KMT2D: variants seen among roughly 807,000 people sequenced by gnomAD.
KMT2D encodes the protein lysine methyltransferase 2D.
KMT2D carries 55 observed loss-of-function variants against 512.7 expected under a neutral mutation model. That is an observed-to-expected ratio of 0.11 (90% CI 0.09 to 0.13). KMT2D has a LOEUF of 0.13. Among genes scored for constraint, KMT2D ranks in the 10% least tolerant of loss-of-function variants. KMT2D has a pLI of 1.00. For synonymous variants in KMT2D, 2,995 were observed against 2,904.0 expected (o/e 1.03, Z -1.01); for missense variants, 6,061 against 7,127.9 (o/e 0.85, Z 5.39).
chr12:49,058,303 G>T (rs975034268), intron 1 of KMT2D, among the ~76,000 whole-genome samples: 1 of 152,194 alleles, frequency 6.6e-6, no homozygotes, highest in African/African-American at 2.4e-5. Flanking sequence ...ATAGAATGCC[G>T]GAGTGGAGAG....
At position 49,021,177 on chromosome 12, in the gene KMT2D, G is replaced by A. The variant is rs1030909722; in HGVS notation, c.*603C>T. 5 of 196,926 alleles carry A rather than the reference G, an allele frequency of 2.5e-5. No homozygotes were observed. The highest frequency in any genetic ancestry group is 1.6e-4 in the East Asian group (2 of 12,870). 12.2% of individuals were successfully genotyped at this position (196,926 alleles called of 1,614,324 possible). A position where few individuals can be genotyped will look rare whatever the true frequency, so the allele number is the denominator to read the frequency against. ...CTAGGCAGCTGGGCGCCTCTTTCCC[G>A]TTCATGTTGCATTTGTCAGAGTGGA... On this transcript the variant is annotated 3_prime_UTR_variant, in exon 55 of 55. Transcript: ENST00000301067.
In KMT2D at chr12:49,043,925, T is replaced by C. The variant is rs1236573276; in HGVS notation, c.5262A>G (p.Gln1754=). ...SLAEGDEKKK[Q]QRRGRKKSKL... is the part of the protein sequence containing the mutation. ...TGCTCTTCTTGCGCCCTCGCCGCTG[T>C]TGCTTCTTCTTCTCATCCCCTTCAG... Residue 1754 remains glutamine, a synonymous_variant, in exon 23 of 55, where the codon CAA becomes CAG. Transcript: ENST00000301067. The C allele has an allele frequency of 5.0e-6, 8 of 1,613,966 alleles. No individual in the cohort carries two copies. Among genetic ancestry groups the C allele is most frequent in the Non-Finnish European group, 6.8e-6 (8 of 1,179,920 alleles).
In KMT2D at chr12:49,041,458, G is replaced by A. The variant is rs1363898030; in HGVS notation, c.6312C>T (p.Leu2104=). The change falls in exon 32 of 55, where the codon CTC becomes CTT. Residue 2104 remains leucine, a synonymous_variant. Transcript: ENST00000301067. This position sits in a 1 kb window ranked among gnomAD's most constrained non-coding sequence, Gnocchi z 5.4. ...GTGCCCCTGGCTGCGGGGGAATGCG[G>A]AGATGTAGGGCCGGTCGGTCAGTCT... ...ARKTDRPALH[L]RIPPQPGALG... 6.2e-7 allele frequency: 1 copy of A among 1,613,284 alleles called. No homozygotes were observed. Among genetic ancestry groups the A allele is most frequent in the East Asian group, 2.2e-5 (1 of 44,874 alleles).
chr12:49,041,941 T>A lies in KMT2D; in HGVS notation c.6159A>T (p.Pro2053=). 1.2e-6 allele frequency: 2 copies of A among 1,609,766 alleles called. No homozygotes were observed. Among genetic ancestry groups the A allele is most frequent in the East Asian group, 4.5e-5 (2 of 44,822 alleles). ...KQIMKLWRKV[P]AADKAPYLQK... is the part of the protein sequence containing the mutation. ...CCAGGTAGGGGGCTTTGTCAGCTGCTGGAACCTTTCTCCAGAGCTTCATGA... is the reference window on the plus strand; with the variant it reads ...CCAGGTAGGGGGCTTTGTCAGCTGCAGGAACCTTTCTCCAGAGCTTCATGA... The change falls in exon 30 of 55, where the codon CCA becomes CCT. Residue 2053 remains proline (P), a synonymous_variant. Transcript: ENST00000301067. The surrounding 1 kb of genome is among the most constrained non-coding windows in gnomAD (Gnocchi z 5.4).
At position 49,022,495 on chromosome 12, in the gene KMT2D, A is replaced by G; in HGVS notation, c.16338+95T>C. 6.5e-7 allele frequency: 1 copy of G among 1,535,920 alleles called. No individual in the cohort carries two copies. The highest frequency in any genetic ancestry group is 1.4e-5 in the African/African-American group (1 of 73,524). Reference sequence around the variant, plus strand: ...CTCCTGCCTTTCCCTTCTCCCCACCACAGCTTTCCTCCTGCTCTCCTGTGA... The same window carrying G: ...CTCCTGCCTTTCCCTTCTCCCCACCGCAGCTTTCCTCCTGCTCTCCTGTGA... On this transcript the variant is annotated intron_variant, in intron 52 of 54. Coordinates refer to ENST00000301067, the MANE Select transcript of KMT2D (RefSeq NM_003482.4). The surrounding 1 kb of genome is among the most constrained non-coding windows in gnomAD (Gnocchi z 8.6).
rs1341599386 is a variant in KMT2D, at chr12:49,060,788, G to C, written c.-1213C>G. Among the ~76,000 whole-genome samples, 1 of 152,244 alleles carries C rather than the reference G, an allele frequency of 6.6e-6. No homozygotes were observed. Among genetic ancestry groups the C allele is most frequent in the Non-Finnish European group, 1.5e-5 (1 of 68,042 alleles). ...GGCGGCCCTATTTTGTGTTGGAGCGGAGCGGCGGAGGGATCCCGCCCTCTC... is the reference window on the plus strand; with the variant it reads ...GGCGGCCCTATTTTGTGTTGGAGCGCAGCGGCGGAGGGATCCCGCCCTCTC... On this transcript the variant is annotated 5_prime_UTR_variant, in exon 1 of 55. Coordinates refer to ENST00000301067, the MANE Select transcript of KMT2D (RefSeq NM_003482.4).
chr12:49,058,659 G>A (rs1229611268), intron 1 of KMT2D, among the ~76,000 whole-genome samples: 3 of 152,162 alleles, frequency 2.0e-5, no homozygotes, highest in Non-Finnish European at 4.4e-5. Flanking sequence ...TTCTCCTCCA[G>A]AGAGACACAG....
rs2120640642 is a variant in KMT2D at position 49,049,795 on chromosome 12, G to A, written c.3793C>T (p.Pro1265Ser). The change falls in exon 12 of 55, where the codon CCA becomes TCA. Residue 1265 changes from proline to serine, a missense_variant. By Grantham distance (74) the Pro-to-Ser change is moderately conservative. Transcript: ENST00000301067. ...CACAATAGTGAGTCATCAGTCTCTGGCAGTGAGTCAGTACAGAGCCGTAGG... is the reference window on the plus strand; with the variant it reads ...CACAATAGTGAGTCATCAGTCTCTGACAGTGAGTCAGTACAGAGCCGTAGG... ...GSLRLCTDSL[P>S]ETDDSLLCDA... The A allele has an allele frequency of 1.9e-6, 3 of 1,613,852 alleles. No individual in the cohort carries two copies. The highest frequency in any genetic ancestry group is 2.5e-6 in the Non-Finnish European group (3 of 1,179,806).
chr12:49,051,353 G>A lies in KMT2D; in HGVS notation c.2330C>T (p.Pro777Leu). Residue 777 changes from proline to leucine, a missense_variant, in exon 11 of 55, where the codon CCA (proline) becomes CTA (leucine). By Grantham distance (98) the Pro-to-Leu change is moderately conservative. Transcript: ENST00000301067. ...EPHLSPQPEE[P>L]CLCAVPEEPH... The stretch of plus-strand genomic sequence containing the variant: ...CTCCTCAGGCACAGCGCATAGGCAT[G>A]GCTCCTCAGGCTGGGGGGACAGGTG... 6.2e-7 allele frequency: 1 copy of A among 1,609,082 alleles called. No individual in the cohort carries two copies. Among genetic ancestry groups the A allele is most frequent in the Middle Eastern group, 1.7e-4 (1 of 6,024 alleles).
chr12:49,050,987 G>T lies in KMT2D; in HGVS notation c.2696C>A (p.Ala899Asp), dbSNP rs2120661257. The T allele has an allele frequency of 6.4e-7, 1 of 1,569,476 alleles. No individual in the cohort carries two copies. The highest frequency in any genetic ancestry group is 8.6e-7 in the Non-Finnish European group (1 of 1,158,888). ...PSLSPLLGEP[A>D]LSEPGEPPLS... ...AGGTGGTTCCCCAGGCTCAGACAGG[G>T]CTGGCTCTCCAAGCAAGGGAGATAA... Residue 899 changes from alanine (A) to aspartate (D), a missense_variant, in exon 11 of 55, where the codon GCC (alanine) becomes GAC (aspartate). Physicochemically the swap from Ala to Asp is moderately radical, Grantham distance 126. Around this residue, in one of 16 missense-constraint regions of KMT2D, gnomAD observed 848 missense variants for 838.5 expected, o/e 1.01. Coordinates refer to ENST00000301067, the MANE Select transcript of KMT2D (RefSeq NM_003482.4).
Position 49,050,274 on chromosome 12 carries a change from G to T in KMT2D, c.3314C>A (p.Ala1105Asp). The T allele has an allele frequency of 6.2e-7, 1 of 1,611,818 alleles. No individual in the cohort carries two copies. Among genetic ancestry groups the T allele is most frequent in the East Asian group, 2.2e-5 (1 of 44,818 alleles). ...PSPMGDLSCP[A>D]PSPAPALDDF... The stretch of plus-strand genomic sequence containing the variant: ...ATCCAGGGCTGGGGCAGGGCTGGGG[G>T]CGGGGCAGGAAAGGTCCCCCATTGG... Residue 1105 changes from alanine (A) to aspartate (D), a missense_variant, in exon 12 of 55, where the codon GCC becomes GAC. Coordinates refer to ENST00000301067, the MANE Select transcript of KMT2D (RefSeq NM_003482.4).
rs763426078 is a variant in KMT2D at position 49,037,398 on chromosome 12, C to A, written c.9958G>T (p.Ala3320Ser). 1.2e-6 allele frequency: 2 copies of A among 1,606,032 alleles called. No individual in the cohort carries two copies. Among genetic ancestry groups the A allele is most frequent in the Non-Finnish European group, 1.7e-6 (2 of 1,176,706 alleles). The change falls in exon 35 of 55, where the codon GCC (alanine) becomes TCC (serine). Residue 3320 changes from alanine to serine, a missense_variant. Ala to Ser is a moderately conservative substitution (Grantham distance 99). Around this residue, in one of 16 missense-constraint regions of KMT2D, gnomAD observed 533 missense variants for 539.6 expected, o/e 0.99. Coordinates refer to ENST00000301067, the MANE Select transcript of KMT2D (RefSeq NM_003482.4). ...QQQLSLGLAG[A>S]RQPGLPQPLM... ...GGCTGGGGCAAACCTGGCTGTCGGG[C>A]ACCTGCAAGACCCAGGGAAAGCTGC...
rs1374905609 is a variant in KMT2D, at chr12:49,044,857, C to T, written c.4850G>A (p.Arg1617Gln). The T allele has an allele frequency of 3.1e-6, 5 of 1,613,952 alleles. No homozygotes were observed. Among genetic ancestry groups the T allele is most frequent in the Non-Finnish European group, 3.4e-6 (4 of 1,179,912 alleles). ...TCCTGCCTCGCCTGGGAGGCCAAGCCGTCCTCGCCGTTGGCGCCGCTTGTG... is the reference window on the plus strand; with the variant it reads ...TCCTGCCTCGCCTGGGAGGCCAAGCTGTCCTCGCCGTTGGCGCCGCTTGTG... ...PLHKRRQRRG[R>Q]LGLPGEAGLE... The change falls in exon 20 of 55, where the codon CGG (arginine) becomes CAG (glutamine). Residue 1617 changes from arginine to glutamine, a missense_variant. By Grantham distance (43) the Arg-to-Gln change is conservative. Transcript: ENST00000301067. The surrounding 1 kb of genome is among the most constrained non-coding windows in gnomAD (Gnocchi z 6.4).
Position 49,024,457 on chromosome 12 carries a change from G to C in KMT2D, c.16052+121C>G. Reference sequence around the variant, plus strand: ...CATGCCCTCTAATTAGGAAGTCTAAGAGTGATTCCCCATTTTCTCCACGGG... The same window carrying C: ...CATGCCCTCTAATTAGGAAGTCTAACAGTGATTCCCCATTTTCTCCACGGG... On this transcript the variant is annotated intron_variant, in intron 51 of 54. Transcript: ENST00000301067. The surrounding 1 kb of genome is among the most constrained non-coding windows in gnomAD (Gnocchi z 4.5). 1 of 1,318,852 alleles carries C rather than the reference G, an allele frequency of 7.6e-7. No individual in the cohort carries two copies. The highest frequency in any genetic ancestry group is 1.0e-6 in the Non-Finnish European group (1 of 965,856). 81.7% of individuals were successfully genotyped at this position (1,318,852 alleles called of 1,614,324 possible). A position where few individuals can be genotyped will look rare whatever the true frequency, so the allele number is the denominator to read the frequency against.
Position 49,027,913 on chromosome 12 carries a change from G to C in KMT2D, c.14533C>G (p.Leu4845Val), listed in dbSNP as rs762934334. The change falls in exon 48 of 55, where the codon CTG (leucine) becomes GTG (valine). Residue 4845 changes from leucine to valine, a missense_variant. Physicochemically the swap from Leu to Val is conservative, Grantham distance 32 (BLOSUM62 1). Transcript: ENST00000301067. Reference protein sequence around the residue: ...AEGPGGKEKGLEGKSPDTGPD... With the variant: ...AEGPGGKEKGVEGKSPDTGPD... ...CCAGTGTCTGGGCTCTTGCCTTCCA[G>C]ACCCTTTTCCTTCCCACCTGCAGAA... The C allele has an allele frequency of 6.2e-7, 1 of 1,613,864 alleles. No homozygotes were observed. Among genetic ancestry groups the C allele is most frequent in the Non-Finnish European group, 8.5e-7 (1 of 1,179,860 alleles).
At chr12:49,047,319 T>A (rs1394846748) in intron 15 of KMT2D, among the ~76,000 whole-genome samples, 1 of 151,766 alleles carries the variant, frequency 6.6e-6, no homozygotes, top group Non-Finnish European at 1.5e-5. Context: ...CACTAGCCAC[T>A]GCCTCATTGT....
Position 49,033,828 on chromosome 12 carries a change from C to T in KMT2D, c.10877G>A (p.Arg3626Gln), listed in dbSNP as rs561903173. 1.4e-5 allele frequency: 22 copies of T among 1,580,020 alleles called. No homozygotes were observed. The highest frequency in any genetic ancestry group is 2.7e-5 in the African/African-American group (2 of 74,048). The change falls in exon 40 of 55, where the codon CGG becomes CAG. Residue 3626 changes from arginine to glutamine, a missense_variant. By Grantham distance (43) the Arg-to-Gln change is conservative (BLOSUM62 1). Transcript: ENST00000301067. ...CTGACCAGGGAGCTTGGTGAGCAGCCGGGGACTCTGGGAAGGGCTGAGAGC... is the reference window on the plus strand; with the variant it reads ...CTGACCAGGGAGCTTGGTGAGCAGCTGGGGACTCTGGGAAGGGCTGAGAGC... ...VLALSPSQSP[R>Q]LLTKLPGQLL...
In KMT2D at chr12:49,050,748, G is replaced by A. The variant is rs1301239661; in HGVS notation, c.2840C>T (p.Ala947Val). The A allele has an allele frequency of 1.2e-6, 2 of 1,612,246 alleles. No homozygotes were observed. The highest frequency in any genetic ancestry group is 1.7e-5 in the Admixed American group (1 of 59,946). Residue 947 changes from alanine (A) to valine (V), a missense_variant, in exon 12 of 55, where the codon GCC becomes GTC. Coordinates refer to ENST00000301067, the MANE Select transcript of KMT2D (RefSeq NM_003482.4). ...PPLSPIITAA[A>V]PPALSPLGEL... ...CCCCAAAGGAGACAGGGCCGGTGGG[G>A]CCGCAGCTGTGATGATGGGTGAGAG...
rs1416746706 is a variant in KMT2D at position 49,027,792 on chromosome 12, C to T, written c.14643+11G>A. On this transcript the variant is annotated intron_variant, in intron 48 of 54. Transcript: ENST00000301067. Reference sequence around the variant, plus strand: ...TTCTAACACCCACCCCTTTTTCTCCCCCAGACCTACCTGTTTCAGGAGGCT... The same window carrying T: ...TTCTAACACCCACCCCTTTTTCTCCTCCAGACCTACCTGTTTCAGGAGGCT... 1.3e-5 allele frequency: 20 copies of T among 1,555,794 alleles called. No individual in the cohort carries two copies. The highest frequency in any genetic ancestry group is 1.7e-5 in the Non-Finnish European group (20 of 1,149,262).
Sources: gnomAD v4.1 joint callset for allele counts (sites outside exome capture counted in the v4.1 genomes callset) on GRCh38, gnomAD v4.1.1 for gene constraint, gnomAD v4.1.1 regional missense constraint, Gnocchi (gnomAD v3.1) non-coding constraint, MANE v1.5 for transcripts, NCBI Gene and HGNC (gene_info 2026-07-23, HGNC 2026-07-21) for gene names.